IQGAP2: variants seen among roughly 807,000 people sequenced by gnomAD.
The protein encoded by IQGAP2 is IQ motif containing GTPase activating protein 2.
A neutral mutation model predicts 201.3 loss-of-function variants in IQGAP2; 173 were observed. That is an observed-to-expected ratio of 0.86 (90% confidence interval 0.76 to 0.98). IQGAP2 has a LOEUF of 0.98. Ranked by LOEUF, IQGAP2 falls within the 50% of genes least tolerant of loss-of-function variation. IQGAP2 has a pLI of 0.00. For missense variants in IQGAP2, 1,687 were observed against 1,864.8 expected, an observed-to-expected ratio of 0.90 and a Z score of 1.76; for synonymous variants, 675 against 673.9, an observed-to-expected ratio of 1.00 and a Z score of -0.03.
Position 76,693,496 on chromosome 5 carries a change from A to G in IQGAP2, c.3993+54A>G, listed in dbSNP as rs549081522. On this transcript the variant is annotated intron_variant, in intron 31 of 35. Coordinates refer to ENST00000274364, the MANE Select transcript of IQGAP2 (RefSeq NM_006633.5). ...ATAGACAGGTGTTGATTTTCTTCAT[A>G]AATCTTTATGCCATATGTTTATTAT... 7 of 1,130,440 alleles carry G rather than the reference A, an allele frequency of 6.2e-6. No individual in the cohort carries two copies. The South Asian group carries it at 6.5e-5, about 10-fold the overall frequency. 70.0% of individuals were successfully genotyped at this position (1,130,440 alleles called of 1,614,324 possible). A position where few individuals can be genotyped will look rare whatever the true frequency, so the allele number is the denominator to read the frequency against.
intron 1 of IQGAP2, among the ~76,000 whole-genome samples, chr5:76,445,847 C>T (rs1753359630): frequency 6.6e-6 from 1 of 152,132 alleles, no homozygotes; most frequent in Non-Finnish European, 1.5e-5. Context: ...GCCCCGTTCT[C>T]TCCTCCCCAA....
At chr5:76,521,501 A>G (rs747918045) in intron 2 of IQGAP2, among the ~76,000 whole-genome samples, 42 of 152,252 alleles carry the variant, frequency 2.8e-4, no homozygotes, top group Non-Finnish European at 5.7e-4. Context: ...CTGTCTTTAT[A>G]AAACTCCTCC....
chr5:76,511,975 A>C (rs4544808), intron 2 of IQGAP2, among the ~76,000 whole-genome samples: 117,777 of 151,924 alleles, frequency 0.78, 46,334 homozygotes, highest in East Asian at 0.96. Context: ...CCACCGCGCC[A>C]GGCCTTAAAT....
At chr5:76,591,873 G>A (rs1746680001) in intron 8 of IQGAP2, among the ~76,000 whole-genome samples, 1 of 152,138 alleles carries the variant, frequency 6.6e-6, no homozygotes, top group Admixed American at 6.5e-5. Flanking sequence ...TATATCAGAA[G>A]AGTTCCCCTT....
chr5:76,531,860 T>C (rs1387364927), intron 2 of IQGAP2, among the ~76,000 whole-genome samples: 3 of 152,128 alleles, frequency 2.0e-5, no homozygotes, highest in Non-Finnish European at 4.4e-5. Context: ...CCACAGAAAT[T>C]TATTTCTCAC....
intron 7 of IQGAP2, among the ~76,000 whole-genome samples, chr5:76,590,150 A>G (rs1393854714): frequency 2.0e-5 from 3 of 152,218 alleles, no homozygotes; most frequent in Non-Finnish European, 4.4e-5. Flanking sequence ...TGGTTGACAT[A>G]GGGCTTGCTT....
intron 10 of IQGAP2, among the ~76,000 whole-genome samples, chr5:76,600,482 G>GTCC (rs2150322358): frequency 6.6e-6 from 1 of 152,254 alleles, no homozygotes; most frequent in South Asian, 2.1e-4. Flanking sequence ...ATGTTATCTA[G>GTCC]TCCTTGGCTT....
intron 24 of IQGAP2, among the ~76,000 whole-genome samples, 174 bp from the exon 25 acceptor site, chr5:76,673,275 C>T (rs942509755): frequency 2.0e-5 from 3 of 152,166 alleles, no homozygotes; most frequent in African/African-American, 4.8e-5. Context: ...TTCCAAGTTG[C>T]AGAAGGTACC....
At chr5:76,567,694 T>G (rs545503689) in intron 3 of IQGAP2, among the ~76,000 whole-genome samples, 1 of 152,320 alleles carries the variant, frequency 6.6e-6, no homozygotes, top group Admixed American at 6.5e-5. Context: ...TACTTATTTG[T>G]GCCATCAGTT....
intron 17 of IQGAP2, among the ~76,000 whole-genome samples, chr5:76,644,295 C>CTTTTTTTTTTTTTTTTTTTTATT (rs1751841803): frequency 2.1e-5 from 1 of 47,778 alleles, no homozygotes; most frequent in Admixed American, 2.4e-4. Flanking sequence ...TTTGTAAATC[C>CTTTTTTTTTTTTTTTTTTTTATT]TTTTTTTTTT....
chr5:76,422,489 G>A (rs1751778662), intron 1 of IQGAP2, among the ~76,000 whole-genome samples: 1 of 152,250 alleles, frequency 6.6e-6, no homozygotes, highest in Non-Finnish European at 1.5e-5. Context: ...CCAAGTGGTT[G>A]TCTCATAATG....
chr5:76,440,747 G>T (rs1246961763), intron 1 of IQGAP2, among the ~76,000 whole-genome samples: 2 of 152,086 alleles, frequency 1.3e-5, no homozygotes, highest in African/African-American at 4.8e-5. Flanking sequence ...GTAGTTAAGA[G>T]TAGGGCCCTG....
intron 2 of IQGAP2, among the ~76,000 whole-genome samples, chr5:76,500,834 T>C (rs1360861606): frequency 6.6e-6 from 1 of 152,218 alleles, no homozygotes; most frequent in Non-Finnish European, 1.5e-5. Context: ...GTGCCTTATA[T>C]ACTCATTTAA....
Position 76,673,493 on chromosome 5 carries a change from C to T in IQGAP2, c.3113C>T (p.Pro1038Leu), listed in dbSNP as rs1744533247. Residue 1038 changes from proline to leucine, a missense_variant, in exon 25 of 36, where the codon CCA becomes CTA. By Grantham distance (98) the Pro-to-Leu change is moderately conservative. Transcript: ENST00000274364. Reference protein sequence around the residue: ...DVTTEQALTYPEVKNKLEASI... With the variant: ...DVTTEQALTYLEVKNKLEASI... ...ACCACAGAACAAGCTCTAACATACC[C>T]AGAAGTGAAAAATAAACTGGAGGCT... The T allele has an allele frequency of 2.5e-6, 4 of 1,614,050 alleles. No individual in the cohort carries two copies. In the South Asian group the frequency reaches 4.4e-5, roughly 18 times the overall value.
In IQGAP2 at chr5:76,465,503, A is replaced by G. The variant is rs536485194; in HGVS notation, c.146+3834A>G. Among the ~76,000 whole-genome samples the G allele has an allele frequency of 5.3e-5, 8 of 152,366 alleles. 2 individuals are homozygous for G. The highest frequency in any genetic ancestry group is 1.9e-4 in the African/African-American group (8 of 41,588). The stretch of plus-strand genomic sequence containing the variant: ...ATGTTTTTTCTTACCACTTCTGTTT[A>G]ACATTGTACTGGAGATTTTAGCCAG... On this transcript the variant is annotated intron_variant, in intron 2 of 35. Transcript: ENST00000274364.
rs1363276939 is a variant in IQGAP2 at position 76,637,250 on chromosome 5, TG to T, written c.1923+76del. On this transcript the variant is annotated intron_variant, in intron 16 of 35. Transcript: ENST00000274364. ...TGACTGGTTTTCTATTTCTGAATCA[TG>T]GAAGTGATGAGAGGAACTAACTGAT... The T allele has an allele frequency of 1.2e-5, 15 of 1,216,204 alleles. No individual in the cohort carries two copies. In the East Asian group the frequency reaches 3.4e-4, roughly 28 times the overall value. 75.3% of individuals were successfully genotyped at this position (1,216,204 alleles called of 1,614,324 possible).
intron 5 of IQGAP2, among the ~76,000 whole-genome samples, chr5:76,576,789 C>G (rs1745500667): frequency 6.6e-6 from 1 of 152,066 alleles, no homozygotes; most frequent in African/African-American, 2.4e-5. Context: ...GTGTAGGTGC[C>G]TTTGCTATGA....
chr5:76,559,045 C>T (rs985950211), intron 2 of IQGAP2, among the ~76,000 whole-genome samples: 3 of 152,300 alleles, frequency 2.0e-5, no homozygotes, highest in Non-Finnish European at 4.4e-5. Context: ...GGACTACAGG[C>T]GCCCGCCACC....
At chr5:76,645,828 T>TA (rs11320312) in intron 17 of IQGAP2, among the ~76,000 whole-genome samples, 14 of 147,998 alleles carry the variant, frequency 9.5e-5, no homozygotes, top group Admixed American at 2.7e-4. Flanking sequence ...CTTAGTATAT[T>TA]AAAAAAAAAA....
Sources: allele counts gnomAD v4.1 joint callset (sites outside exome capture counted in the v4.1 genomes callset), GRCh38; gene constraint gnomAD v4.1.1; transcripts MANE v1.5; gene names NCBI Gene and HGNC (gene_info 2026-07-23, HGNC 2026-07-21).